Variants in PTPN21 observed in about 807,000 individuals in gnomAD.
The protein encoded by PTPN21 is tyrosine-protein phosphatase non-receptor type 21.
PTPN21 carries 77 observed loss-of-function variants against 131.8 expected under a neutral mutation model. The ratio of observed to expected loss-of-function variants is 0.58; its 90% confidence interval spans 0.49 to 0.71. The LOEUF (loss-of-function observed/expected upper bound fraction) is 0.71. Ranked by LOEUF, PTPN21 falls within the 30% of genes least tolerant of loss-of-function variation. PTPN21 has a pLI of 0.00. For missense variants in PTPN21, 1,552 were observed against 1,527.1 expected, an observed-to-expected ratio of 1.02 and a Z score of -0.27; for synonymous variants, 715 against 621.3, an observed-to-expected ratio of 1.15 and a Z score of -2.24.
In PTPN21 at chr14:88,479,176, G is replaced by A. The variant is rs2077595249; in HGVS notation, c.2255C>T (p.Ala752Val). The A allele has an allele frequency of 1.3e-6, 2 of 1,554,970 alleles. No individual in the cohort carries two copies. The highest frequency in any genetic ancestry group is 1.2e-5 in the South Asian group (1 of 81,006). ...GGGCTCCAGGATGTGCAGGGGCCCG[G>A]CGAGCAGGACGCGAGGGCAGCCAGG... ...DPPGCPRVLL[A>V]GPLHILEPKA... Residue 752 changes from alanine (A) to valine (V), a missense_variant, in exon 13 of 19, where the codon GCC becomes GTC. By Grantham distance (64) the Ala-to-Val change is moderately conservative. Around this residue, in one of 4 missense-constraint regions of PTPN21, gnomAD observed 1,016 missense variants for 883.5 expected, o/e 1.15. Transcript: ENST00000556564.
chr14:88,519,978 T>C (rs766298468), intron 2 of PTPN21, among the ~76,000 whole-genome samples: 7 of 152,226 alleles, frequency 4.6e-5, no homozygotes, highest in Admixed American at 1.3e-4. Context: ...GTCCCTGGAC[T>C]ACCTCTACCA....
chr14:88,469,091 T>C lies in PTPN21; in HGVS notation c.3236-15A>G. 4 of 1,601,882 alleles carry C rather than the reference T, an allele frequency of 2.5e-6. No homozygotes were observed. In the South Asian group the frequency reaches 4.4e-5, roughly 18 times the overall value. On this transcript the variant is annotated splice_polypyrimidine_tract_variant and intron_variant, in intron 17 of 18. Transcript: ENST00000556564. The surrounding 1 kb of genome is among the most constrained non-coding windows in gnomAD (Gnocchi z 4.3). ...TTCAAGATATGCTGTGGAAAATCAATGAAATAGAAAAGTACTCAAGGATCA... is the reference window on the plus strand; with the variant it reads ...TTCAAGATATGCTGTGGAAAATCAACGAAATAGAAAAGTACTCAAGGATCA...
chr14:88,523,333 A>G (rs1595398395), intron 2 of PTPN21, among the ~76,000 whole-genome samples: 1 of 152,268 alleles, frequency 6.6e-6, no homozygotes, highest in Non-Finnish European at 1.5e-5. Flanking sequence ...GACAAAAGAA[A>G]AAAAACACAC....
chr14:88,491,390 T>C (rs2077822058), intron 10 of PTPN21, among the ~76,000 whole-genome samples: 1 of 152,082 alleles, frequency 6.6e-6, no homozygotes, highest in Non-Finnish European at 1.5e-5. Flanking sequence ...GTCGAGTCTA[T>C]CTCCTGGGCC....
rs372764190 is a variant in PTPN21 at position 88,501,518 on chromosome 14, C to A, written c.588-150G>T. ...TCTATAATTGGCTATATCAATCTTG[C>A]TATTTACTGAAAACCAGTATGTGCT... On this transcript the variant is annotated intron_variant, in intron 6 of 18. Transcript: ENST00000556564. 3.4e-4 allele frequency: 239 copies of A among 696,400 alleles called. 4 individuals are homozygous for A. The African/African-American group carries it at 4.0e-3, about 12-fold the overall frequency. 43.1% of individuals were successfully genotyped at this position (696,400 alleles called of 1,614,324 possible).
At chr14:88,503,619 CT>C (rs1363336480) in intron 6 of PTPN21, among the ~76,000 whole-genome samples, 1 of 152,118 alleles carries the variant, frequency 6.6e-6, no homozygotes, top group African/African-American at 2.4e-5. Flanking sequence ...ATATTACAGG[CT>C]TTGTGTTAGA....
chr14:88,534,346 G>A (rs544101882), intron 2 of PTPN21, among the ~76,000 whole-genome samples: 1 of 150,102 alleles, frequency 6.7e-6, no homozygotes, highest in South Asian at 2.1e-4. Context: ...TCACGCAACT[G>A]TACCCCAGCC....
intron 2 of PTPN21, among the ~76,000 whole-genome samples, chr14:88,539,985 C>T (rs1361699805): frequency 6.6e-6 from 1 of 152,088 alleles, no homozygotes; most frequent in Non-Finnish European, 1.5e-5. Flanking sequence ...GTGCAAAATA[C>T]AAGGGACTGA....
intron 12 of PTPN21, among the ~76,000 whole-genome samples, chr14:88,484,458 A>C (rs2077703416): frequency 6.6e-6 from 1 of 151,966 alleles, no homozygotes; most frequent in Non-Finnish European, 1.5e-5. Context: ...TAACTTTTAC[A>C]ATAGGAAAGC....
intron 3 of PTPN21, among the ~76,000 whole-genome samples, chr14:88,511,292 C>T (rs979707398): frequency 6.6e-6 from 1 of 152,108 alleles, no homozygotes; most frequent in Non-Finnish European, 1.5e-5. Context: ...GACATTATCA[C>T]TTTCTACTAA....
chr14:88,510,950 T>C (rs1192761352), intron 3 of PTPN21, among the ~76,000 whole-genome samples: 1 of 151,262 alleles, frequency 6.6e-6, no homozygotes, highest in Non-Finnish European at 1.5e-5. Context: ...TCTTGCTCTA[T>C]AGCCCAGGCT....
At chr14:88,521,236 T>A (rs1257056980) in intron 2 of PTPN21, among the ~76,000 whole-genome samples, 2 of 152,214 alleles carry the variant, frequency 1.3e-5, no homozygotes, top group Non-Finnish European at 1.5e-5. Context: ...AAAAGACTTT[T>A]AAAATTACCT....
intron 10 of PTPN21, among the ~76,000 whole-genome samples, chr14:88,487,671 T>C (rs1481531035): frequency 6.6e-6 from 1 of 152,268 alleles, no homozygotes; most frequent in East Asian, 1.9e-4. Context: ...AATGTCTCTT[T>C]TCCAAAAGAT....
At chr14:88,468,528 AT>A (rs994037348) in intron 18 of PTPN21, among the ~76,000 whole-genome samples, 1 of 152,196 alleles carries the variant, frequency 6.6e-6, no homozygotes, top group Non-Finnish European at 1.5e-5. Flanking sequence ...CATAATTACC[AT>A]GTCTCACTAA....
intron 3 of PTPN21, among the ~76,000 whole-genome samples, chr14:88,510,811 A>T (rs948068229): frequency 6.6e-6 from 1 of 152,240 alleles, no homozygotes; most frequent in Admixed American, 6.5e-5. Flanking sequence ...AGTAAAAAAC[A>T]TAAGTGGTTG....
chr14:88,544,423 A>G (rs981188421), intron 2 of PTPN21, among the ~76,000 whole-genome samples: 3 of 152,202 alleles, frequency 2.0e-5, no homozygotes, highest in African/African-American at 7.2e-5. Context: ...GGAGTCACTA[A>G]TAACAATAAC....
At chr14:88,516,237 T>C (rs914390394) in intron 3 of PTPN21, among the ~76,000 whole-genome samples, 2 of 152,216 alleles carry the variant, frequency 1.3e-5, no homozygotes, top group Middle Eastern at 3.4e-3. Context: ...CCTGGGGTCA[T>C]AGATGCTTCA....
Position 88,519,051 on chromosome 14 carries a change from C to T in PTPN21, c.181-1790G>A, listed in dbSNP as rs186090172. Among the ~76,000 whole-genome samples, 77 of 152,056 alleles carry T rather than the reference C, an allele frequency of 5.1e-4. 1 individual carries two copies. In the East Asian group the frequency reaches 8.5e-3, roughly 17 times the overall value. On this transcript the variant is annotated intron_variant, in intron 2 of 18. Transcript: ENST00000556564. ...AGCTATGACTAATGCAGTAAAATAA[C>T]GTTAGTGTATTACTCAGAAGTTTAA...
intron 2 of PTPN21, among the ~76,000 whole-genome samples, chr14:88,528,957 T>C (rs2078518296): frequency 6.6e-6 from 1 of 152,334 alleles, no homozygotes; most frequent in South Asian, 2.1e-4. Flanking sequence ...CTTTACCGAT[T>C]TGGATGCCCT....
Sources: gnomAD v4.1 joint callset for allele counts (sites outside exome capture counted in the v4.1 genomes callset) on GRCh38, gnomAD v4.1.1 for gene constraint, gnomAD v4.1.1 regional missense constraint, Gnocchi (gnomAD v3.1) non-coding constraint, MANE v1.5 for transcripts, NCBI Gene and HGNC (gene_info 2026-07-23, HGNC 2026-07-21) for gene names.